Variants in SND1 observed in about 807,000 individuals in gnomAD.
SND1 encodes staphylococcal nuclease domain-containing protein 1.
In SND1, 38 loss-of-function variants were observed where a neutral mutation model predicts 121.7. The observed-to-expected ratio is 0.31, with a 90% CI of 0.24 to 0.41. The LOEUF (loss-of-function observed/expected upper bound fraction) is 0.41, where lower values mean the gene tolerates loss of function less well. Among genes scored for constraint, SND1 ranks in the 10% least tolerant of loss-of-function variants. The pLI, the probability that SND1 is intolerant of heterozygous loss-of-function variation, is 1.00. For missense variants in SND1, 868 were observed against 1,184.6 expected, an observed-to-expected ratio of 0.73 and a Z score of 3.92; for synonymous variants, 401 against 447.4, an observed-to-expected ratio of 0.90 and a Z score of 1.31.
chr7:127,886,221 G>A (rs1430691823), intron 12 of SND1, among the ~76,000 whole-genome samples: 2 of 151,910 alleles, frequency 1.3e-5, no homozygotes, highest in African/African-American at 4.8e-5. Flanking sequence ...TAGATAAACA[G>A]ACATCCGAGG....
At chr7:127,725,463 G>A (rs1190188041) in intron 10 of SND1, among the ~76,000 whole-genome samples, 1 of 152,224 alleles carries the variant, frequency 6.6e-6, no homozygotes, top group African/African-American at 2.4e-5. Context: ...CACAGCATGG[G>A]TAAAAATATG....
chr7:127,725,504 A>C (rs1371428671), intron 10 of SND1, among the ~76,000 whole-genome samples: 1 of 152,214 alleles, frequency 6.6e-6, no homozygotes, highest in African/African-American at 2.4e-5. Flanking sequence ...GGCTGGTAGA[A>C]TCTCCAAGGA....
At chr7:127,982,116 G>C (rs1802275794) in intron 15 of SND1, among the ~76,000 whole-genome samples, 1 of 152,176 alleles carries the variant, frequency 6.6e-6, no homozygotes, top group African/African-American at 2.4e-5. Flanking sequence ...CAACTATTAT[G>C]ACTTGTATCA....
chr7:127,679,977 C>CA (rs1795687248), intron 1 of SND1, among the ~76,000 whole-genome samples: 1 of 152,078 alleles, frequency 6.6e-6, no homozygotes, highest in South Asian at 2.1e-4. Context: ...CCCTGATAGT[C>CA]ACGTAGGTTC....
chr7:127,655,741 G>T (rs1486881668), intron 1 of SND1, among the ~76,000 whole-genome samples: 1 of 152,200 alleles, frequency 6.6e-6, no homozygotes, highest in Admixed American at 6.5e-5. Flanking sequence ...GAAGTGTTGG[G>T]TACTTAGTAT....
chr7:128,003,538 C>T (rs1034895859), intron 16 of SND1, among the ~76,000 whole-genome samples: 3 of 152,174 alleles, frequency 2.0e-5, no homozygotes, highest in Non-Finnish European at 4.4e-5. Flanking sequence ...CTCCATTCCC[C>T]ACCAGCAGCC....
At chr7:127,709,082 C>CA (rs1171361490) in intron 9 of SND1, among the ~76,000 whole-genome samples, 1 of 152,148 alleles carries the variant, frequency 6.6e-6, no homozygotes. Context: ...TGAGGTGAGC[C>CA]AAAATCATTC....
intron 3 of SND1, among the ~76,000 whole-genome samples, chr7:127,695,797 G>A (rs1795997435): frequency 6.6e-6 from 1 of 152,152 alleles, no homozygotes; most frequent in South Asian, 2.1e-4. Context: ...CTGCACTCTA[G>A]CCTGAGTGAC....
At chr7:127,837,368 G>A (rs1030973791) in intron 11 of SND1, among the ~76,000 whole-genome samples, 4 of 152,062 alleles carry the variant, frequency 2.6e-5, no homozygotes, top group South Asian at 2.1e-4. Flanking sequence ...ATATTGACAC[G>A]ATGTTTTAGA....
intron 16 of SND1, among the ~76,000 whole-genome samples, chr7:128,055,307 T>A (rs934518975): frequency 6.6e-6 from 1 of 152,186 alleles, no homozygotes; most frequent in Non-Finnish European, 1.5e-5. Flanking sequence ...CATCTCAGTG[T>A]GGCTGATGTT....
chr7:127,796,129 T>C (rs1272760707), intron 10 of SND1, among the ~76,000 whole-genome samples: 2 of 152,052 alleles, frequency 1.3e-5, no homozygotes, highest in Non-Finnish European at 2.9e-5. Flanking sequence ...AGTGCTGATG[T>C]TTTCTAATCT....
At chr7:127,943,235 T>G (rs954879504) in intron 15 of SND1, among the ~76,000 whole-genome samples, 3 of 152,222 alleles carry the variant, frequency 2.0e-5, no homozygotes, top group African/African-American at 7.2e-5. Context: ...TATTGATTCA[T>G]AGTTTCTAAG....
chr7:127,915,220 C>T (rs1160024295), intron 14 of SND1, among the ~76,000 whole-genome samples: 1 of 151,962 alleles, frequency 6.6e-6, no homozygotes, highest in Non-Finnish European at 1.5e-5. Flanking sequence ...TGCCATGTTG[C>T]CCATGATGAT....
chr7:127,721,271 TC>T lies in SND1; in HGVS notation c.1039-14del, dbSNP rs749365546. On this transcript the variant is annotated splice_polypyrimidine_tract_variant and intron_variant, in intron 9 of 23. Coordinates refer to ENST00000354725, the MANE Select transcript of SND1 (RefSeq NM_014390.4). ...GCCATAGAAGCAGGTTTAAGCATGT[TC>T]CTTTTTGCTCACAGGTGATGCAGGT... is the stretch of plus-strand genomic sequence containing the variant. 5.6e-6 allele frequency: 9 copies of T among 1,596,736 alleles called. No individual in the cohort carries two copies. In the South Asian group the frequency reaches 9.9e-5, roughly 18 times the overall value.
intron 10 of SND1, among the ~76,000 whole-genome samples, chr7:127,728,458 A>C (rs1037339525): frequency 1.3e-5 from 2 of 152,236 alleles, no homozygotes; most frequent in African/African-American, 4.8e-5. Context: ...TGTCAGCACC[A>C]TCATATTCAC....
intron 20 of SND1, chr7:128,086,410 T>C (rs1302998553): frequency 1.9e-5 from 4 of 205,994 alleles, no homozygotes; most frequent in Admixed American, 5.3e-5. Flanking sequence ...GATCTGTTAG[T>C]AGAGAGCCCA....
rs1795133304 is a variant in SND1 at position 127,652,247 on chromosome 7, C to T, written c.-127C>T. The T allele has an allele frequency of 2.5e-6, 2 of 801,056 alleles. No individual in the cohort carries two copies. Among genetic ancestry groups the T allele is most frequent in the East Asian group, 2.7e-5 (1 of 37,366 alleles). 49.6% of individuals were successfully genotyped at this position (801,056 alleles called of 1,614,324 possible). On this transcript the variant is annotated 5_prime_UTR_variant, in exon 1 of 24. Coordinates refer to ENST00000354725, the MANE Select transcript of SND1 (RefSeq NM_014390.4). The stretch of plus-strand genomic sequence containing the variant: ...CCTGTGAGCGCCCGGCGAGTCCGTC[C>T]CGTCCACCGTCCGCAGCTGGTAGCC...
intron 12 of SND1, among the ~76,000 whole-genome samples, chr7:127,860,022 A>T (rs1174512396): frequency 1.3e-5 from 2 of 152,176 alleles, no homozygotes; most frequent in African/African-American, 2.4e-5. Flanking sequence ...GAAGATGTAC[A>T]TGATGGCAGA....
intron 4 of SND1, among the ~76,000 whole-genome samples, 153 bp downstream of exon 4, chr7:127,699,106 A>C (rs1459537342): frequency 6.6e-6 from 1 of 152,188 alleles, no homozygotes; most frequent in Non-Finnish European, 1.5e-5. Context: ...CTAGGAAGTC[A>C]CTCAGCATTC....
Sources: gnomAD v4.1 joint callset for allele counts (sites outside exome capture counted in the v4.1 genomes callset) on GRCh38, gnomAD v4.1.1 for gene constraint, MANE v1.5 for transcripts, NCBI Gene and HGNC (gene_info 2026-07-23, HGNC 2026-07-21) for gene names.